The following C8orf34 variants were observed in gnomAD, a reference collection of about 807,000 sequenced individuals.
C8orf34 encodes uncharacterized protein C8orf34.
In C8orf34, 65 loss-of-function variants were observed where a neutral mutation model predicts 68.3. The observed-to-expected ratio is 0.95, with a 90% CI of 0.78 to 1.17. The LOEUF (loss-of-function observed/expected upper bound fraction) is 1.17, where lower values mean the gene tolerates loss of function less well. C8orf34 is among the 50% of genes most tolerant of loss of function. C8orf34 has a pLI of 0.00. For synonymous variants in C8orf34, 244 were observed against 241.2 expected (o/e 1.01, Z -0.11); for missense variants, 664 against 655.4 (o/e 1.01, Z -0.14).
At chr8:68,779,019 A>G (rs1823598168) in intron 11 of C8orf34, among the ~76,000 whole-genome samples, 1 of 151,946 alleles carries the variant, frequency 6.6e-6, no homozygotes, top group African/African-American at 2.4e-5. Flanking sequence ...TCTACAAAAA[A>G]TCAAAAAATT....
At chr8:68,464,288 T>G (rs928478927) in intron 3 of C8orf34, among the ~76,000 whole-genome samples, 48 of 151,996 alleles carry the variant, frequency 3.2e-4, no homozygotes, top group Admixed American at 1.2e-3. Flanking sequence ...CACTGCTCAA[T>G]GAAATAAAAG....
intron 8 of C8orf34, among the ~76,000 whole-genome samples, chr8:68,667,752 G>C (rs1266517386): frequency 1.3e-5 from 2 of 152,132 alleles, no homozygotes; most frequent in East Asian, 3.8e-4. Flanking sequence ...CAAGTGAATA[G>C]ATACTTGTAT....
chr8:68,611,005 T>C (rs920605437), intron 7 of C8orf34, among the ~76,000 whole-genome samples: 77 of 151,980 alleles, frequency 5.1e-4, no homozygotes, highest in African/African-American at 1.7e-3. Flanking sequence ...GCTGGTAATA[T>C]AGGCATGTGC....
At chr8:68,677,013 T>C (rs72666780) in intron 8 of C8orf34, among the ~76,000 whole-genome samples, 33,626 of 152,060 alleles carry the variant, frequency 0.22, 4,043 homozygotes, top group Middle Eastern at 0.35. Flanking sequence ...ACTGGGTCCC[T>C]CCCACAACAC....
intron 7 of C8orf34, among the ~76,000 whole-genome samples, chr8:68,567,198 A>T (rs1816617364): frequency 6.6e-6 from 1 of 151,490 alleles, no homozygotes; most frequent in African/African-American, 2.4e-5. Context: ...TGTTAATAGG[A>T]TTGGTACCAA....
intron 7 of C8orf34, among the ~76,000 whole-genome samples, chr8:68,548,382 A>G (rs1280789343): frequency 2.0e-5 from 3 of 151,830 alleles, no homozygotes; most frequent in South Asian, 2.1e-4. Flanking sequence ...GAAATGTAAT[A>G]GGCACTTCTC....
At chr8:68,651,317 C>T (rs572435068) in intron 8 of C8orf34, among the ~76,000 whole-genome samples, 1 of 152,318 alleles carries the variant, frequency 6.6e-6, no homozygotes, top group South Asian at 2.1e-4. Context: ...TTTATGAATC[C>T]TGCAGTCTGT....
At chr8:68,757,154 AT>A (rs201240952) in intron 10 of C8orf34, among the ~76,000 whole-genome samples, 28 of 149,906 alleles carry the variant, frequency 1.9e-4, no homozygotes, top group African/African-American at 3.4e-4. Context: ...AAAATTATTT[AT>A]TTTTTTTTTA....
In C8orf34 at chr8:68,456,639, A is replaced by G. The variant is rs73262712; in HGVS notation, c.607+10179A>G. 9.7e-3 allele frequency among the ~76,000 whole-genome samples: 1,477 copies of G among 152,360 alleles called. 25 individuals are homozygous for G. Among genetic ancestry groups the G allele is most frequent in the African/African-American group, 0.032 (1,348 of 41,588 alleles). On this transcript the variant is annotated intron_variant, in intron 3 of 13. Coordinates refer to ENST00000518698, the MANE Select transcript of C8orf34 (RefSeq NM_052958.4). Reference sequence around the variant, plus strand: ...TACAATTCAAACTGGCATAGGGACAAAGATCTGCAAGGTAACATTATATTA... The same window carrying G: ...TACAATTCAAACTGGCATAGGGACAGAGATCTGCAAGGTAACATTATATTA...
chr8:68,748,369 A>C (rs71409403), intron 10 of C8orf34, among the ~76,000 whole-genome samples: 1 of 147,878 alleles, frequency 6.8e-6, no homozygotes, highest in Non-Finnish European at 1.5e-5. Flanking sequence ...TGGCAACAAA[A>C]GCCAAAATTG....
At chr8:68,555,101 C>T (rs968562085) in intron 7 of C8orf34, among the ~76,000 whole-genome samples, 7 of 151,920 alleles carry the variant, frequency 4.6e-5, no homozygotes, top group Non-Finnish European at 7.4e-5. Context: ...CTTTCCTTTA[C>T]TGATTTCTAT....
intron 1 of C8orf34, among the ~76,000 whole-genome samples, chr8:68,425,233 T>C (rs1278791225): frequency 6.6e-6 from 1 of 152,204 alleles, no homozygotes; most frequent in Non-Finnish European, 1.5e-5. Context: ...TAGACAAGGA[T>C]GTTCACTCTA....
At chr8:68,556,385 A>G (rs1016726169) in intron 7 of C8orf34, among the ~76,000 whole-genome samples, 3 of 150,202 alleles carry the variant, frequency 2.0e-5, no homozygotes, top group African/African-American at 7.4e-5. Flanking sequence ...TAAAACTACT[A>G]TGAATTTTAG....
chr8:68,747,783 T>C (rs1208376055), intron 10 of C8orf34, among the ~76,000 whole-genome samples: 3 of 151,338 alleles, frequency 2.0e-5, no homozygotes, highest in African/African-American at 4.8e-5. Context: ...GTAGGAAGAA[T>C]CAATATCGTG....
At chr8:68,732,312 AT>A (rs1165855115) in intron 10 of C8orf34, among the ~76,000 whole-genome samples, 1 of 152,216 alleles carries the variant, frequency 6.6e-6, no homozygotes, top group Non-Finnish European at 1.5e-5. Flanking sequence ...AAATTATTTC[AT>A]CATATTGATA....
At chr8:68,671,151 G>T (rs143384707) in intron 8 of C8orf34, among the ~76,000 whole-genome samples, 1 of 152,076 alleles carries the variant, frequency 6.6e-6, no homozygotes, top group Non-Finnish European at 1.5e-5. Flanking sequence ...GAGTTAAGGC[G>T]GAAAATATGA....
At chr8:68,744,635 C>T (rs1269191875) in intron 10 of C8orf34, among the ~76,000 whole-genome samples, 28 of 151,158 alleles carry the variant, frequency 1.9e-4, no homozygotes, top group Admixed American at 4.0e-4. Flanking sequence ...AGAGTATCAG[C>T]GATGGAAGAT....
At chr8:68,752,406 C>A (rs79571412) in intron 10 of C8orf34, among the ~76,000 whole-genome samples, 34 of 152,126 alleles carry the variant, frequency 2.2e-4, no homozygotes, top group African/African-American at 5.8e-4. Flanking sequence ...TGGAACCAGG[C>A]GGTATGGCTC....
intron 7 of C8orf34, among the ~76,000 whole-genome samples, chr8:68,631,238 G>T (rs1298092294): frequency 6.6e-6 from 1 of 151,752 alleles, no homozygotes; most frequent in Non-Finnish European, 1.5e-5. Context: ...CTCCAGCCTG[G>T]GCAAGAGAGC....
Sources: allele counts gnomAD v4.1 joint callset (sites outside exome capture counted in the v4.1 genomes callset), GRCh38; gene constraint gnomAD v4.1.1; transcripts MANE v1.5; gene names NCBI Gene and HGNC (gene_info 2026-07-23, HGNC 2026-07-21).